AFF1: variants seen among roughly 807,000 people sequenced by gnomAD.
AFF1 encodes the protein AF4/FMR2 family member 1.
In AFF1, 48 loss-of-function variants were observed where a neutral mutation model predicts 121.7. That is an observed-to-expected ratio of 0.39 (90% CI 0.31 to 0.50). The LOEUF is 0.50. Ranked by LOEUF, AFF1 falls within the 20% of genes least tolerant of loss-of-function variation. The probability of loss-of-function intolerance (pLI) is 0.76; values close to 1 mark genes in which losing one functional copy is unlikely to be tolerated. For missense variants in AFF1, 1,523 were observed against 1,511.7 expected, an observed-to-expected ratio of 1.01 and a Z score of -0.12; for synonymous variants, 613 against 563.0, an observed-to-expected ratio of 1.09 and a Z score of -1.26.
At chr4:87,008,078 T>C (rs1726352862) in intron 2 of AFF1, among the ~76,000 whole-genome samples, 1 of 152,206 alleles carries the variant, frequency 6.6e-6, no homozygotes, top group Non-Finnish European at 1.5e-5. Context: ...GTAATGAGCG[T>C]TGAAGAAGAG....
At chr4:87,061,252 G>GC (rs1720759657) in intron 4 of AFF1, among the ~76,000 whole-genome samples, 1 of 152,202 alleles carries the variant, frequency 6.6e-6, no homozygotes, top group Non-Finnish European at 1.5e-5. Flanking sequence ...AGCTTGTGCA[G>GC]CAGAGAGGAG....
chr4:87,084,474 G>A (rs573853959), intron 5 of AFF1, among the ~76,000 whole-genome samples: 1 of 151,802 alleles, frequency 6.6e-6, no homozygotes, highest in East Asian at 1.9e-4. Context: ...GATTGAACCC[G>A]AGAGGTGGAG....
At chr4:87,012,385 C>T (rs1034127127) in intron 2 of AFF1, among the ~76,000 whole-genome samples, 2 of 151,948 alleles carry the variant, frequency 1.3e-5, no homozygotes, top group African/African-American at 4.8e-5. Context: ...ACAATATGCA[C>T]CTCTAGGACA....
chr4:86,996,007 TCTGAGAAGTGAGGAGCCCCTCCG>T, intron 2 of AFF1, among the ~76,000 whole-genome samples: 1 of 149,536 alleles, frequency 6.7e-6, no homozygotes, highest in Admixed American at 6.6e-5. Context: ...AGCCGCCCCG[TCTGAGAAGTGAGGAGCCCCTCCG>T]CCCAGCAGCC....
chr4:87,038,664 C>T (rs139810142), intron 2 of AFF1, among the ~76,000 whole-genome samples: 1 of 152,280 alleles, frequency 6.6e-6, no homozygotes, highest in African/African-American at 2.4e-5. Flanking sequence ...GATTGCCGAA[C>T]TTTTGTGTTT....
rs1366811883 is a variant in AFF1, at chr4:87,114,551, G to A, written c.1718G>A (p.Ser573Asn). 2.5e-6 allele frequency: 4 copies of A among 1,610,480 alleles called. No individual in the cohort carries two copies. The East Asian group carries it at 8.9e-5, about 36-fold the overall frequency. The change falls in exon 12 of 21, where the codon AGC becomes AAC. Residue 573 changes from serine to asparagine, a missense_variant. Coordinates refer to ENST00000395146, the MANE Select transcript of AFF1 (RefSeq NM_001166693.3). ...GAATCCAAAGATCCTCCCCCTAAAAGCTCCAGCAAAGCCCCCCGGGCCCCA... is the reference window on the plus strand; with the variant it reads ...GAATCCAAAGATCCTCCCCCTAAAAACTCCAGCAAAGCCCCCCGGGCCCCA... ...HSESKDPPPK[S>N]SSKAPRAPPE... is the part of the protein sequence containing the mutation.
At chr4:87,017,091 A>C (rs987223303) in intron 2 of AFF1, among the ~76,000 whole-genome samples, 5 of 127,702 alleles carry the variant, frequency 3.9e-5, no homozygotes, top group African/African-American at 1.2e-4. Flanking sequence ...GTGTATGTGT[A>C]TATATATGTG....
At chr4:86,966,648 T>A (rs1475216236) in intron 2 of AFF1, among the ~76,000 whole-genome samples, 2 of 151,926 alleles carry the variant, frequency 1.3e-5, no homozygotes, top group Non-Finnish European at 2.9e-5. Flanking sequence ...TCCTTAAGAG[T>A]TACTTGGCTC....
Position 87,127,121 on chromosome 4 carries a change from A to C in AFF1, c.2903+4A>C. ...AGCCTCAAGTGAAGTTTGACAAGTAAGACTTCAGATGATTTCTTCTTGCTC... is the reference window on the plus strand; with the variant it reads ...AGCCTCAAGTGAAGTTTGACAAGTACGACTTCAGATGATTTCTTCTTGCTC... On this transcript the variant is annotated splice_donor_region_variant and intron_variant, in intron 15 of 20. Coordinates refer to ENST00000395146, the MANE Select transcript of AFF1 (RefSeq NM_001166693.3). The C allele has an allele frequency of 6.2e-7, 1 of 1,607,884 alleles. No individual in the cohort carries two copies. The highest frequency in any genetic ancestry group is 8.5e-7 in the Non-Finnish European group (1 of 1,175,036).
chr4:86,960,920 T>C (rs1468446184), intron 2 of AFF1, among the ~76,000 whole-genome samples: 1 of 152,198 alleles, frequency 6.6e-6, no homozygotes, highest in Non-Finnish European at 1.5e-5. Context: ...TTACTGACTT[T>C]CCACATGTTT....
intron 2 of AFF1, among the ~76,000 whole-genome samples, chr4:87,020,970 A>G (rs994345067): frequency 2.0e-5 from 3 of 152,194 alleles, no homozygotes; most frequent in African/African-American, 7.2e-5. Context: ...TTAAGGAGTG[A>G]TGGAAGATTT....
intron 12 of AFF1, among the ~76,000 whole-genome samples, chr4:87,120,193 A>G (rs1727538496): frequency 6.6e-6 from 1 of 152,246 alleles, no homozygotes; most frequent in Non-Finnish European, 1.5e-5. Context: ...CCCAGTGAAC[A>G]TAACCTGTCT....
At chr4:86,954,452 T>G (rs1420057532) in intron 2 of AFF1, among the ~76,000 whole-genome samples, 1 of 152,212 alleles carries the variant, frequency 6.6e-6, no homozygotes, top group East Asian at 1.9e-4. Flanking sequence ...CTAGGCATGG[T>G]GGCTAATGCC....
intron 2 of AFF1, among the ~76,000 whole-genome samples, chr4:87,017,706 C>T (rs1727444957): frequency 6.6e-6 from 1 of 152,214 alleles, no homozygotes; most frequent in African/African-American, 2.4e-5. Context: ...TAGAGCCTCA[C>T]ATGCAAAGAT....
intron 2 of AFF1, among the ~76,000 whole-genome samples, chr4:87,020,222 C>G (rs1727758737): frequency 6.6e-6 from 1 of 152,156 alleles, no homozygotes; most frequent in African/African-American, 2.4e-5. Flanking sequence ...TTTTGTACTT[C>G]TCTTCACAGT....
At chr4:86,942,688 T>G (rs1720550453) in intron 1 of AFF1, among the ~76,000 whole-genome samples, 1 of 152,194 alleles carries the variant, frequency 6.6e-6, no homozygotes, top group Non-Finnish European at 1.5e-5. Context: ...TGGTAAAGAT[T>G]TTTGGCAAAA....
At chr4:86,993,122 CT>C (rs1409587242) in intron 2 of AFF1, among the ~76,000 whole-genome samples, 1 of 152,180 alleles carries the variant, frequency 6.6e-6, no homozygotes, top group Non-Finnish European at 1.5e-5. Flanking sequence ...ACTCCCCTAA[CT>C]TTTTGGAAGG....
intron 16 of AFF1, among the ~76,000 whole-genome samples, chr4:87,130,496 T>TG (rs1220781405): frequency 1.3e-5 from 2 of 152,238 alleles, no homozygotes; most frequent in East Asian, 3.8e-4. Context: ...TATCTGATTT[T>TG]GTTCATATTT....
chr4:87,059,930 A>G (rs1276152921), intron 4 of AFF1, among the ~76,000 whole-genome samples: 4 of 152,118 alleles, frequency 2.6e-5, no homozygotes, highest in African/African-American at 9.7e-5. Flanking sequence ...GCCAAATGGG[A>G]ACTTTGCTAC....
Sources: gnomAD v4.1 joint callset for allele counts (sites outside exome capture counted in the v4.1 genomes callset) on GRCh38, gnomAD v4.1.1 for gene constraint, MANE v1.5 for transcripts, NCBI Gene and HGNC (gene_info 2026-07-23, HGNC 2026-07-21) for gene names.